The following ANK1 variants were observed in gnomAD, a reference collection of about 807,000 sequenced individuals.
ANK1 encodes the protein ankyrin 1.
Under a neutral mutation model 210.4 loss-of-function variants are expected in ANK1, and 51 were observed. That is an observed-to-expected ratio of 0.24 (90% confidence interval 0.19 to 0.31). The LOEUF (loss-of-function observed/expected upper bound fraction) is 0.31, where lower values mean the gene tolerates loss of function less well. Among genes scored for constraint, ANK1 ranks in the 10% least tolerant of loss-of-function variants. The probability of loss-of-function intolerance (pLI) is 1.00; values close to 1 mark genes in which losing one functional copy is unlikely to be tolerated. For missense variants in ANK1, 2,051 were observed against 2,504.4 expected (o/e 0.82, Z 3.86); for synonymous variants, 967 against 1,025.9 (o/e 0.94, Z 1.10).
At chr8:41,803,025 G>GAAAGAA (rs1850227829) in intron 1 of ANK1, among the ~76,000 whole-genome samples, 1 of 85,746 alleles carries the variant, frequency 1.2e-5, no homozygotes, top group Non-Finnish European at 2.3e-5. Flanking sequence ...AAGAAAGAAA[G>GAAAGAA]AAAGAAAGAA....
chr8:41,815,163 A>C (rs1803117504), intron 1 of ANK1, among the ~76,000 whole-genome samples: 1 of 152,206 alleles, frequency 6.6e-6, no homozygotes, highest in South Asian at 2.1e-4. Context: ...AGGCTTACAT[A>C]ATCATAAAAA....
chr8:41,790,605 G>GA (rs1374185899), intron 1 of ANK1, among the ~76,000 whole-genome samples: 1 of 151,182 alleles, frequency 6.6e-6, no homozygotes, highest in African/African-American at 2.4e-5. Flanking sequence ...CACTCCTGGC[G>GA]TTTGCCTAAT....
rs1284857063 is a variant in ANK1, at chr8:41,689,015, T to C, written c.4105-426A>G. On this transcript the variant is annotated intron_variant, in intron 33 of 42. Transcript: ENST00000289734. ...ATGATTGTTTTTCTTTTTGGATTTC[T>C]TTCTGCTTGAAAGACCCGTTTCTGT... Among the ~76,000 whole-genome samples the C allele has an allele frequency of 7.2e-5, 11 of 152,238 alleles. No homozygotes were observed. In the East Asian group the frequency reaches 1.7e-3, roughly 24 times the overall value.
chr8:41,826,447 C>A (rs1805389680), intron 1 of ANK1, among the ~76,000 whole-genome samples: 1 of 152,132 alleles, frequency 6.6e-6, no homozygotes, highest in Non-Finnish European at 1.5e-5. Flanking sequence ...CACTCCCTGG[C>A]TTAGCACCAT....
intron 1 of ANK1, among the ~76,000 whole-genome samples, chr8:41,881,936 G>A (rs957459691): frequency 1.3e-4 from 20 of 152,162 alleles, no homozygotes; most frequent in African/African-American, 4.1e-4. Flanking sequence ...ACAGGTCACG[G>A]GGCCTGGCTC....
At chr8:41,853,447 T>C (rs1811627036) in intron 1 of ANK1, among the ~76,000 whole-genome samples, 1 of 152,240 alleles carries the variant, frequency 6.6e-6, no homozygotes, top group Admixed American at 6.5e-5. Context: ...AGATGTTTCT[T>C]TCTTCTGGGG....
intron 9 of ANK1, among the ~76,000 whole-genome samples, chr8:41,721,403 T>C (rs1829217752): frequency 6.6e-6 from 1 of 152,080 alleles, no homozygotes; most frequent in South Asian, 2.1e-4. Context: ...ACCCCTGTAA[T>C]TCCCGCACTT....
intron 1 of ANK1, among the ~76,000 whole-genome samples, chr8:41,825,392 C>A (rs975889880): frequency 6.6e-6 from 1 of 152,222 alleles, no homozygotes; most frequent in Admixed American, 6.5e-5. Flanking sequence ...TCTGTCCCCC[C>A]TAGAACTGGC....
intron 1 of ANK1, among the ~76,000 whole-genome samples, chr8:41,876,675 A>T (rs2150828692): frequency 6.6e-6 from 1 of 152,330 alleles, no homozygotes; most frequent in South Asian, 2.1e-4. Flanking sequence ...AAGGAAGGGA[A>T]TGCCTAAAAT....
chr8:41,794,638 C>G (rs1455201423), intron 1 of ANK1, among the ~76,000 whole-genome samples: 1 of 152,210 alleles, frequency 6.6e-6, no homozygotes, highest in African/African-American at 2.4e-5. Flanking sequence ...CTGCTATATT[C>G]CCGGTGCCCC....
intron 1 of ANK1, among the ~76,000 whole-genome samples, chr8:41,832,091 T>C (rs1806779134): frequency 6.6e-6 from 1 of 152,138 alleles, no homozygotes; most frequent in Non-Finnish European, 1.5e-5. Flanking sequence ...ATCTTGACCA[T>C]AGTGATGATA....
chr8:41,687,349 T>C (rs1442467765), intron 35 of ANK1, among the ~76,000 whole-genome samples: 1 of 152,212 alleles, frequency 6.6e-6, no homozygotes, highest in Non-Finnish European at 1.5e-5. Flanking sequence ...CGCACCCCCA[T>C]TGTTCCTAAA....
intron 1 of ANK1, among the ~76,000 whole-genome samples, chr8:41,873,450 C>G (rs1815941425): frequency 6.6e-6 from 1 of 152,220 alleles, no homozygotes; most frequent in Non-Finnish European, 1.5e-5. Context: ...TCACAATAAG[C>G]CTCCAAGTCA....
intron 1 of ANK1, among the ~76,000 whole-genome samples, chr8:41,867,219 C>T (rs534767755): frequency 6.6e-6 from 1 of 152,242 alleles, no homozygotes; most frequent in South Asian, 2.1e-4. Flanking sequence ...CAGTCCAGCA[C>T]CCCAATCTCT....
At chr8:41,867,224 A>G (rs1371449546) in intron 1 of ANK1, among the ~76,000 whole-genome samples, 1 of 151,982 alleles carries the variant, frequency 6.6e-6, no homozygotes, top group Non-Finnish European at 1.5e-5. Context: ...CAGCACCCCA[A>G]TCTCTGATGA....
intron 33 of ANK1, 145 bp downstream of exon 33, chr8:41,690,082 G>A (rs1818837604): frequency 1.5e-6 from 2 of 1,328,452 alleles, no homozygotes; most frequent in Admixed American, 3.8e-5. Context: ...ATGTGGAGGA[G>A]AGCTCAGCAC....
intron 37 of ANK1, among the ~76,000 whole-genome samples, chr8:41,683,303 G>A (rs1816695977): frequency 6.6e-6 from 1 of 152,202 alleles, no homozygotes; most frequent in African/African-American, 2.4e-5. Flanking sequence ...AGGCAGAAGA[G>A]AGGCAATGGG....
chr8:41,685,832 C>G (rs1817549236), intron 36 of ANK1, among the ~76,000 whole-genome samples: 2 of 152,156 alleles, frequency 1.3e-5, no homozygotes, highest in Non-Finnish European at 2.9e-5. Flanking sequence ...ACAGTCTGTT[C>G]TCGAACTCCT....
chr8:41,730,030 G>C (rs1429443768), intron 3 of ANK1, among the ~76,000 whole-genome samples: 2 of 152,272 alleles, frequency 1.3e-5, no homozygotes, highest in Non-Finnish European at 2.9e-5. Flanking sequence ...ACAGTATGTA[G>C]TTCTTTTTAC....
Sources: gnomAD v4.1 joint callset for allele counts (sites outside exome capture counted in the v4.1 genomes callset) on GRCh38, gnomAD v4.1.1 for gene constraint, MANE v1.5 for transcripts, NCBI Gene and HGNC (gene_info 2026-07-23, HGNC 2026-07-21) for gene names.